SLC10A7: variants seen among roughly 807,000 people sequenced by gnomAD.
The protein encoded by SLC10A7 is solute carrier family 10 member 7.
SLC10A7 carries 29 observed loss-of-function variants against 43.2 expected under a neutral mutation model. The ratio of observed to expected loss-of-function variants is 0.67; its 90% CI spans 0.50 to 0.92. The LOEUF (loss-of-function observed/expected upper bound fraction) is 0.92, where lower values mean the gene tolerates loss of function less well. Among genes scored for constraint, SLC10A7 ranks in the 40% least tolerant of loss-of-function variants. The pLI, the probability that SLC10A7 is intolerant of heterozygous loss-of-function variation, is 0.00. For missense variants in SLC10A7, 295 were observed against 403.2 expected, an observed-to-expected ratio of 0.73 and a Z score of 2.30; for synonymous variants, 152 against 144.8, an observed-to-expected ratio of 1.05 and a Z score of -0.35.
chr4:146,470,350 TTATATATACATATAAATGTACATACG>T, intron 4 of SLC10A7, among the ~76,000 whole-genome samples: 2 of 151,628 alleles, frequency 1.3e-5, no homozygotes, highest in South Asian at 4.2e-4. Context: ...GATGCATATA[TTATATATACATATAAATGTACATACG>T]TATATATACA....
intron 5 of SLC10A7, among the ~76,000 whole-genome samples, chr4:146,385,307 G>A (rs1454281102): frequency 6.6e-6 from 1 of 152,066 alleles, no homozygotes; most frequent in Admixed American, 6.6e-5. Context: ...GATATTATTA[G>A]GTTAGTGCAA....
chr4:146,432,782 G>A (rs997469440), intron 5 of SLC10A7, among the ~76,000 whole-genome samples: 1 of 152,142 alleles, frequency 6.6e-6, no homozygotes, highest in Non-Finnish European at 1.5e-5. Context: ...GCTCATGCCT[G>A]TAATCCCAGA....
intron 5 of SLC10A7, among the ~76,000 whole-genome samples, chr4:146,341,164 T>C (rs913821121): frequency 6.6e-6 from 1 of 151,894 alleles, no homozygotes; most frequent in Admixed American, 6.6e-5. Flanking sequence ...TAGCATTTTA[T>C]GATTAATATA....
chr4:146,469,000 T>C (rs1733321222), intron 4 of SLC10A7, among the ~76,000 whole-genome samples: 1 of 152,072 alleles, frequency 6.6e-6, no homozygotes, highest in Non-Finnish European at 1.5e-5. Flanking sequence ...CTAATTAGGA[T>C]TGCAGTTTGG....
At chr4:146,497,638 G>A (rs1736011177) in intron 4 of SLC10A7, among the ~76,000 whole-genome samples, 1 of 152,070 alleles carries the variant, frequency 6.6e-6, no homozygotes, top group Admixed American at 6.6e-5. Flanking sequence ...TGAGATAAAA[G>A]AAGACAATGC....
intron 7 of SLC10A7, among the ~76,000 whole-genome samples, chr4:146,296,219 T>C (rs1362309939): frequency 1.3e-5 from 2 of 152,158 alleles, no homozygotes; most frequent in Non-Finnish European, 2.9e-5. Context: ...CTAATACAAC[T>C]ATTCACACAT....
intron 5 of SLC10A7, among the ~76,000 whole-genome samples, chr4:146,415,975 A>G (rs79874512): frequency 6.6e-6 from 1 of 152,128 alleles, no homozygotes; most frequent in Non-Finnish European, 1.5e-5. Flanking sequence ...TTTCAATCCA[A>G]TTCCAACAAA....
At chr4:146,297,005 C>T (rs891380258) in intron 7 of SLC10A7, among the ~76,000 whole-genome samples, 4 of 152,072 alleles carry the variant, frequency 2.6e-5, no homozygotes, top group African/African-American at 4.8e-5. Flanking sequence ...ACACTTTGCT[C>T]GAGCTAGATC....
At chr4:146,269,798 G>A (rs1314107930) in intron 10 of SLC10A7, among the ~76,000 whole-genome samples, 2 of 152,176 alleles carry the variant, frequency 1.3e-5, no homozygotes, top group Non-Finnish European at 2.9e-5. Context: ...CCTAGATGTA[G>A]TTTTCCCTAA....
At chr4:146,347,427 C>T (rs1734701933) in intron 5 of SLC10A7, among the ~76,000 whole-genome samples, 1 of 152,084 alleles carries the variant, frequency 6.6e-6, no homozygotes, top group Non-Finnish European at 1.5e-5. Context: ...AGTGCTAAAA[C>T]TTTGTTTTTT....
At chr4:146,451,231 CAAAAAAAAAAA>C (rs572993886) in intron 4 of SLC10A7, among the ~76,000 whole-genome samples, 1 of 71,690 alleles carries the variant, frequency 1.4e-5, no homozygotes, top group South Asian at 5.3e-4. Context: ...AGTCTCCCAC[CAAAAAAAAAAA>C]AAAAAAAACA....
At chr4:146,280,398 T>C (rs181095021) in intron 10 of SLC10A7, among the ~76,000 whole-genome samples, 16 of 152,320 alleles carry the variant, frequency 1.1e-4, no homozygotes, top group South Asian at 2.1e-4. Context: ...TGTTCTTGCA[T>C]TTCCATGCAG....
At chr4:146,441,901 A>T in intron 5 of SLC10A7, 1 of 983,004 alleles carries the variant, frequency 1.0e-6, no homozygotes, top group South Asian at 4.7e-5. Flanking sequence ...AATAATAATT[A>T]ACAGAGCATT....
chr4:146,316,365 C>A (rs898328516), intron 6 of SLC10A7, among the ~76,000 whole-genome samples: 1 of 152,072 alleles, frequency 6.6e-6, no homozygotes, highest in Non-Finnish European at 1.5e-5. Context: ...TATTGGGAGA[C>A]AGGACTTTGG....
chr4:146,359,057 A>G (rs1226204532), intron 5 of SLC10A7, among the ~76,000 whole-genome samples: 1 of 152,156 alleles, frequency 6.6e-6, no homozygotes, highest in Non-Finnish European at 1.5e-5. Flanking sequence ...ACAATCTTCT[A>G]AAAGTTTAGT....
intron 5 of SLC10A7, among the ~76,000 whole-genome samples, chr4:146,435,009 AT>A (rs10719115): frequency 0.51 from 77,994 of 151,508 alleles, 20,563 homozygotes; most frequent in East Asian, 0.64. Context: ...GGCAAGAATC[AT>A]TTTTTTTTTA....
intron 6 of SLC10A7, among the ~76,000 whole-genome samples, chr4:146,316,823 G>A (rs1339006666): frequency 1.3e-5 from 2 of 152,084 alleles, no homozygotes; most frequent in East Asian, 3.9e-4. Context: ...TTGGCCAGCT[G>A]CTGCATTTCA....
intron 5 of SLC10A7, among the ~76,000 whole-genome samples, chr4:146,393,191 CAAAAAAA>C (rs765135958): frequency 7.1e-5 from 3 of 42,068 alleles, no homozygotes; most frequent in Admixed American, 4.2e-4. Context: ...GGCCCTGTCT[CAAAAAAA>C]AAAAAAAAAA....
intron 5 of SLC10A7, among the ~76,000 whole-genome samples, chr4:146,377,789 G>A (rs1002980972): frequency 2.6e-5 from 4 of 152,068 alleles, no homozygotes; most frequent in Non-Finnish European, 5.9e-5. Context: ...TTATTAATTT[G>A]TATATCACAA....
Sources: allele counts gnomAD v4.1 joint callset (sites outside exome capture counted in the v4.1 genomes callset), GRCh38; gene constraint gnomAD v4.1.1; transcripts MANE v1.5; gene names NCBI Gene and HGNC (gene_info 2026-07-23, HGNC 2026-07-21).